The following DNAH3 variants were observed in gnomAD, a reference collection of about 807,000 sequenced individuals.
DNAH3 encodes the protein axonemal beta dynein heavy chain 3.
DNAH3 carries 332 observed loss-of-function variants against 432.5 expected under a neutral mutation model. That is an observed-to-expected ratio of 0.77 (90% CI 0.70 to 0.84). The LOEUF is 0.84. DNAH3 is among the 40% of genes least tolerant of loss of function. The pLI is 0.00. For missense variants in DNAH3, 4,861 were observed against 5,114.0 expected, an observed-to-expected ratio of 0.95 and a Z score of 1.51; for synonymous variants, 1,956 against 1,900.2, an observed-to-expected ratio of 1.03 and a Z score of -0.76.
intron 18 of DNAH3, among the ~76,000 whole-genome samples, chr16:21,090,955 C>A (rs553866237): frequency 6.6e-6 from 1 of 151,926 alleles, no homozygotes; most frequent in Admixed American, 6.6e-5. Context: ...CGTTCAAGAC[C>A]GGCCTGGGCA....
chr16:21,040,221 C>G (rs2089370960), intron 32 of DNAH3, among the ~76,000 whole-genome samples: 1 of 152,024 alleles, frequency 6.6e-6, no homozygotes, highest in South Asian at 2.1e-4. Context: ...GCTGGTACAC[C>G]TCATTCTCCT....
intron 57 of DNAH3, among the ~76,000 whole-genome samples, chr16:20,947,307 C>A (rs143262406): frequency 8.3e-4 from 127 of 152,266 alleles, no homozygotes; most frequent in Non-Finnish European, 1.6e-3. Flanking sequence ...TCACTCCTTC[C>A]GCCATACTTC....
intron 59 of DNAH3, 132 bp downstream of exon 59, chr16:20,941,269 C>T: frequency 4.0e-6 from 4 of 1,005,972 alleles, no homozygotes; most frequent in Non-Finnish European, 6.0e-6. Context: ...TATTCACAGC[C>T]CCTATTCACA....
At chr16:21,082,674 CA>C (rs2152775046) in intron 19 of DNAH3, among the ~76,000 whole-genome samples, 2 of 151,926 alleles carry the variant, frequency 1.3e-5, no homozygotes, top group East Asian at 3.9e-4. Context: ...ACTAAAAATA[CA>C]AAAATTAGCT....
intron 1 of DNAH3, among the ~76,000 whole-genome samples, chr16:21,157,108 T>C (rs2092903283): frequency 6.6e-6 from 1 of 152,066 alleles, no homozygotes; most frequent in Non-Finnish European, 1.5e-5. Context: ...AACTTAAGAA[T>C]TTAGGGATTC....
At position 21,027,065 on chromosome 16, in the gene DNAH3, G is replaced by A. The variant is rs757061347; in HGVS notation, c.5502C>T (p.Pro1834=). ...CTGGAGAGGCTTGCTCGAGGTCGGCGGGCTCGAAGATCAGGCTCATCTTGG... is the reference window on the plus strand; with the variant it reads ...CTGGAGAGGCTTGCTCGAGGTCGGCAGGCTCGAAGATCAGGCTCATCTTGG... The change falls in exon 38 of 62, where the codon CCC becomes CCT. Residue 1834 remains proline (P), a synonymous_variant. Coordinates refer to ENST00000261383, the Ensembl canonical transcript of DNAH3. 9.3e-6 allele frequency: 15 copies of A among 1,613,708 alleles called. 1 individual carries two copies. Among genetic ancestry groups the A allele is most frequent in the Admixed American group, 5.0e-5 (3 of 59,980 alleles).
chr16:20,986,045 G>C (rs1377676125), intron 47 of DNAH3, among the ~76,000 whole-genome samples: 1 of 151,836 alleles, frequency 6.6e-6, no homozygotes. Context: ...TGTAGAGATG[G>C]AGTTTCATCA....
At position 20,962,566 on chromosome 16, in the gene DNAH3, A is replaced by C. The variant is rs1238374749; in HGVS notation, c.10600+718T>G. ...TCTGTCTTTATCAGAAAAGACAGCCAGACAGTATGGATCTCATGACATGCG... is the reference window on the plus strand; with the variant it reads ...TCTGTCTTTATCAGAAAAGACAGCCCGACAGTATGGATCTCATGACATGCG... On this transcript the variant is annotated intron_variant, in intron 53 of 61. Transcript: ENST00000261383. Among the ~76,000 whole-genome samples, 3 of 152,364 alleles carry C rather than the reference A, an allele frequency of 2.0e-5. No homozygotes were observed. In the East Asian group the frequency reaches 5.8e-4, roughly 29 times the overall value.
At chr16:21,117,172 A>G (rs1448526873) in intron 12 of DNAH3, 31 bp downstream of exon 12, 2 of 1,467,244 alleles carry the variant, frequency 1.4e-6, no homozygotes, top group African/African-American at 2.8e-5. Flanking sequence ...CCAAAAAGCT[A>G]CATAGCTAAT....
intron 50 of DNAH3, among the ~76,000 whole-genome samples, chr16:20,978,514 G>A (rs956278679): frequency 2.6e-5 from 4 of 152,146 alleles, no homozygotes; most frequent in African/African-American, 4.8e-5. Flanking sequence ...CAGTAAGAGA[G>A]AGATTGCGTC....
intron 20 of DNAH3, among the ~76,000 whole-genome samples, chr16:21,079,609 C>T (rs924911438): frequency 1.9e-4 from 29 of 151,994 alleles, no homozygotes; most frequent in African/African-American, 7.0e-4. Flanking sequence ...TGCACTCCAG[C>T]CTGGGACACA....
At chr16:21,150,077 T>C (rs555674800) in intron 1 of DNAH3, among the ~76,000 whole-genome samples, 3 of 151,628 alleles carry the variant, frequency 2.0e-5, no homozygotes, top group South Asian at 4.2e-4. Flanking sequence ...AATACAAAAT[T>C]AGCCAGGTGT....
At chr16:21,007,652 C>A (rs2087379588) in intron 41 of DNAH3, among the ~76,000 whole-genome samples, 1 of 152,092 alleles carries the variant, frequency 6.6e-6, no homozygotes, top group Non-Finnish European at 1.5e-5. Flanking sequence ...TTCACCCATT[C>A]TGTGGGATTT....
chr16:21,005,037 CT>C (rs773501915), intron 41 of DNAH3, among the ~76,000 whole-genome samples: 9 of 152,166 alleles, frequency 5.9e-5, no homozygotes, highest in Admixed American at 1.3e-4. Context: ...ACTGCTCAAA[CT>C]TTTAAATAGA....
intron 31 of DNAH3, among the ~76,000 whole-genome samples, chr16:21,045,919 C>A: frequency 7.0e-6 from 1 of 143,326 alleles, no homozygotes; most frequent in Non-Finnish European, 1.5e-5. Flanking sequence ...TTTCTGCCTT[C>A]ATTTCGTTAT....
intron 8 of DNAH3, among the ~76,000 whole-genome samples, chr16:21,126,775 T>G (rs866333895): frequency 1.3e-5 from 2 of 152,030 alleles, no homozygotes; most frequent in Non-Finnish European, 2.9e-5. Context: ...CTGCCTCCTG[T>G]CAGATCAGCA....
At chr16:20,976,036 C>T (rs947209878) in intron 50 of DNAH3, among the ~76,000 whole-genome samples, 13 of 151,410 alleles carry the variant, frequency 8.6e-5, no homozygotes, top group Non-Finnish European at 1.5e-4. Flanking sequence ...TGAGCCACCA[C>T]GCCCGGCCAA....
intron 21 of DNAH3, among the ~76,000 whole-genome samples, chr16:21,073,338 C>T (rs1042548782): frequency 6.6e-6 from 1 of 152,150 alleles, no homozygotes; most frequent in Admixed American, 6.5e-5. Flanking sequence ...AGCTGTTCCC[C>T]AGGTCTCCTA....
chr16:21,090,491 G>C (rs1052150783), intron 18 of DNAH3, among the ~76,000 whole-genome samples: 1 of 152,076 alleles, frequency 6.6e-6, no homozygotes. Flanking sequence ...CCATGTCCAA[G>C]TAGGGTTTAT....
Sources: allele counts gnomAD v4.1 joint callset (sites outside exome capture counted in the v4.1 genomes callset), GRCh38; gene constraint gnomAD v4.1.1; transcripts MANE v1.5; gene names NCBI Gene and HGNC (gene_info 2026-07-23, HGNC 2026-07-21).